BACH2: variants seen among roughly 807,000 people sequenced by gnomAD.
The protein encoded by BACH2 is BACH transcriptional regulator 2.
In BACH2, 5 loss-of-function variants were observed where a neutral mutation model predicts 61.8. That is an observed-to-expected ratio of 0.08 (90% CI 0.04 to 0.17). The LOEUF (loss-of-function observed/expected upper bound fraction) is 0.17, where lower values mean the gene tolerates loss of function less well. Among genes scored for constraint, BACH2 ranks in the 10% least tolerant of loss-of-function variants. The pLI is 1.00. For missense variants in BACH2, 824 were observed against 1,091.1 expected, an observed-to-expected ratio of 0.76 and a Z score of 3.45; for synonymous variants, 446 against 440.1, an observed-to-expected ratio of 1.01 and a Z score of -0.17.
At chr6:90,146,049 G>A (rs1254411394) in intron 4 of BACH2, among the ~76,000 whole-genome samples, 1 of 152,254 alleles carries the variant, frequency 6.6e-6, no homozygotes, top group Admixed American at 6.5e-5. Flanking sequence ...TAAATTCTAT[G>A]TATAGACTTA....
intron 4 of BACH2, among the ~76,000 whole-genome samples, chr6:90,182,610 G>A (rs1768207148): frequency 1.3e-5 from 2 of 152,188 alleles, no homozygotes; most frequent in Admixed American, 1.3e-4. Flanking sequence ...GCACATTATA[G>A]CCTTCAATTA....
intron 4 of BACH2, among the ~76,000 whole-genome samples, chr6:90,124,987 G>A (rs1218361165): frequency 6.6e-6 from 1 of 151,830 alleles, no homozygotes; most frequent in Admixed American, 6.6e-5. Flanking sequence ...TTTTTTCCTT[G>A]CATTTTTCCA....
chr6:90,273,368 G>C (rs1006618753), intron 1 of BACH2, among the ~76,000 whole-genome samples: 6 of 152,080 alleles, frequency 3.9e-5, no homozygotes, highest in African/African-American at 1.4e-4. Flanking sequence ...TAAAAAAAGT[G>C]GGGGCAGGAG....
At chr6:89,995,740 A>C (rs1776809903) in intron 6 of BACH2, among the ~76,000 whole-genome samples, 1 of 152,220 alleles carries the variant, frequency 6.6e-6, no homozygotes, top group African/African-American at 2.4e-5. Context: ...TTTGAGAACA[A>C]GTGCTTTGTC....
intron 6 of BACH2, among the ~76,000 whole-genome samples, chr6:89,958,085 G>C (rs1213375757): frequency 6.6e-6 from 1 of 152,032 alleles, no homozygotes; most frequent in African/African-American, 2.4e-5. Context: ...TCCCCTATTT[G>C]TAAGTTTTAC....
At chr6:90,140,706 A>G (rs1282748299) in intron 4 of BACH2, among the ~76,000 whole-genome samples, 1 of 152,220 alleles carries the variant, frequency 6.6e-6, no homozygotes, top group African/African-American at 2.4e-5. Context: ...GGGAGATAAA[A>G]CAAACATATT....
chr6:90,218,236 CTTTG>C (rs990221282), intron 3 of BACH2: 18 of 152,198 alleles, frequency 1.2e-4, no homozygotes, highest in African/African-American at 3.4e-4. Context: ...ACAGTGTGGT[CTTTG>C]TTTGGTGGGT....
In BACH2 at chr6:90,020,926, C is replaced by T. The variant is rs1288184796; in HGVS notation, c.-12-12070G>A. On this transcript the variant is annotated intron_variant, in intron 5 of 8. Transcript: ENST00000257749. ...CAGCCAGTCTTTAAGCATTAGACAACGTGTTAAAGTATGTAGACATTAGCT... is the reference window on the plus strand; with the variant it reads ...CAGCCAGTCTTTAAGCATTAGACAATGTGTTAAAGTATGTAGACATTAGCT... Among the ~76,000 whole-genome samples, 9 of 152,052 alleles carry T rather than the reference C, an allele frequency of 5.9e-5. No homozygotes were observed. In the South Asian group the frequency reaches 1.5e-3, roughly 25 times the overall value.
intron 1 of BACH2, among the ~76,000 whole-genome samples, chr6:90,284,007 A>AAAATAAATAAAT (rs546804893): frequency 7.9e-5 from 12 of 151,486 alleles, no homozygotes; most frequent in South Asian, 2.1e-4. Flanking sequence ...ACTCCATCTC[A>AAAATAAATAAAT]AAATAAATAA....
intron 4 of BACH2, among the ~76,000 whole-genome samples, chr6:90,094,804 C>T (rs1222851381): frequency 2.6e-5 from 4 of 152,152 alleles, no homozygotes; most frequent in South Asian, 2.1e-4. Flanking sequence ...TTCTGGTTCC[C>T]CTGCCCTAAG....
At position 90,099,052 on chromosome 6, in the gene BACH2, CTGTT is replaced by C. The variant is rs148519691; in HGVS notation, c.-161-9947_-161-9944del. Among the ~76,000 whole-genome samples the C allele has an allele frequency of 3.8e-3, 580 of 152,106 alleles. 6 individuals are homozygous for C. The highest frequency in any genetic ancestry group is 0.012 in the Admixed American group (180 of 15,284). On this transcript the variant is annotated intron_variant, in intron 4 of 8. Transcript: ENST00000257749. The stretch of plus-strand genomic sequence containing the variant: ...GGAACTTTTGTTTTAAAAATTAAAC[CTGTT>C]TTTTTTTTCTTTATCATAAAAGCAA...
intron 4 of BACH2, among the ~76,000 whole-genome samples, chr6:90,161,551 T>G (rs1300978919): frequency 1.3e-5 from 2 of 152,202 alleles, no homozygotes; most frequent in African/African-American, 4.8e-5. Context: ...ATGTGCTTAT[T>G]TGCATGTGTG....
In BACH2 at chr6:90,143,240, G is replaced by A. The variant is rs189478774; in HGVS notation, c.-161-54131C>T. Reference sequence around the variant, plus strand: ...TAAAGTCTTGGCAGCTAGAGAGCTGGGGAATAGGACTGAGATGGTACAATG... The same window carrying A: ...TAAAGTCTTGGCAGCTAGAGAGCTGAGGAATAGGACTGAGATGGTACAATG... On this transcript the variant is annotated intron_variant, in intron 4 of 8. Transcript: ENST00000257749. Among the ~76,000 whole-genome samples, 294 of 152,214 alleles carry A rather than the reference G, an allele frequency of 1.9e-3. 2 individuals carry two copies. Among genetic ancestry groups the A allele is most frequent in the Non-Finnish European group, 2.4e-3 (161 of 68,014 alleles).
intron 6 of BACH2, among the ~76,000 whole-genome samples, chr6:89,982,119 A>G (rs905672539): frequency 6.6e-6 from 1 of 152,150 alleles, no homozygotes; most frequent in Non-Finnish European, 1.5e-5. Flanking sequence ...TACAGGTGTG[A>G]GCCACTGTGC....
At chr6:90,118,207 C>A (rs1024509339) in intron 4 of BACH2, among the ~76,000 whole-genome samples, 10 of 152,178 alleles carry the variant, frequency 6.6e-5, no homozygotes, top group Admixed American at 4.6e-4. Flanking sequence ...ACCAAGAAAT[C>A]TGAAGGGGAA....
At chr6:90,154,130 G>A (rs993520561) in intron 4 of BACH2, among the ~76,000 whole-genome samples, 1 of 152,096 alleles carries the variant, frequency 6.6e-6, no homozygotes, top group Non-Finnish European at 1.5e-5. Flanking sequence ...TACTATAAAA[G>A]CTGTATTTTG....
rs909554135 is a variant in BACH2, at chr6:90,219,963, GT to G, written c.-274-13283del. On this transcript the variant is annotated intron_variant, in intron 3 of 8. Coordinates refer to ENST00000257749, the MANE Select transcript of BACH2 (RefSeq NM_021813.4). ...TGATCCCAAGTGTGTATTTTTCTGA[GT>G]TTTTTTTTTTCCGCCTAAACAGCCC... Among the ~76,000 whole-genome samples the G allele has an allele frequency of 6.1e-4, 90 of 147,676 alleles. 1 individual carries two copies. Among genetic ancestry groups the G allele is most frequent in the Non-Finnish European group, 8.6e-4 (57 of 66,612 alleles).
intron 4 of BACH2, among the ~76,000 whole-genome samples, chr6:90,153,263 C>T (rs988146602): frequency 6.6e-5 from 10 of 152,138 alleles, no homozygotes; most frequent in Non-Finnish European, 8.8e-5. Context: ...ATGAATCACA[C>T]GCCCAAGTGG....
At chr6:90,030,274 C>A (rs574886715) in intron 5 of BACH2, among the ~76,000 whole-genome samples, 1 of 152,258 alleles carries the variant, frequency 6.6e-6, no homozygotes, top group Admixed American at 6.5e-5. Flanking sequence ...ATGGCACCCT[C>A]AGGATGATGC....
Sources: gnomAD v4.1 joint callset for allele counts (sites outside exome capture counted in the v4.1 genomes callset) on GRCh38, gnomAD v4.1.1 for gene constraint, MANE v1.5 for transcripts, NCBI Gene and HGNC (gene_info 2026-07-23, HGNC 2026-07-21) for gene names.